WDPCP: variants seen among roughly 807,000 people sequenced by gnomAD.
WDPCP encodes WD repeat-containing and planar cell polarity effector protein fritz homolog.
A neutral mutation model predicts 93.1 loss-of-function variants in WDPCP; 71 were observed. That is an observed-to-expected ratio of 0.76 (90% confidence interval 0.63 to 0.93). The LOEUF is 0.93. Ranked by LOEUF, WDPCP falls within the 40% of genes least tolerant of loss-of-function variation. The pLI is 0.00. For synonymous variants in WDPCP, 315 were observed against 315.0 expected (o/e 1.00, Z 0.00); for missense variants, 844 against 887.4 (o/e 0.95, Z 0.62).
rs1697380583 is a variant in WDPCP, at chr2:63,439,778, T to C, written c.478A>G (p.Ile160Val). Residue 160 changes from isoleucine (I) to valine (V), a missense_variant, in exon 7 of 18, where the codon ATC becomes GTC. Ile to Val is a conservative substitution (Grantham distance 29). Transcript: ENST00000272321. ...TTACCATCACTGATGGTGTCTGAGATGAGCTTCCCCACCAGGCTTCTGTCA... is the reference window on the plus strand; with the variant it reads ...TTACCATCACTGATGGTGTCTGAGACGAGCTTCCCCACCAGGCTTCTGTCA... ...VIDRSLVGKL[I>V]SDTISDALLT... 1.9e-6 allele frequency: 3 copies of C among 1,613,018 alleles called. No individual in the cohort carries two copies. Among genetic ancestry groups the C allele is most frequent in the South Asian group, 1.1e-5 (1 of 91,070 alleles).
At chr2:63,416,332 T>C (rs1209063847) in intron 9 of WDPCP, among the ~76,000 whole-genome samples, 7 of 151,874 alleles carry the variant, frequency 4.6e-5, no homozygotes, top group Non-Finnish European at 5.9e-5. Flanking sequence ...CCCGAGTAGC[T>C]GCGATTACAG....
Position 63,120,473 on chromosome 2 carries a change from TA to T in WDPCP, c.*1532del, listed in dbSNP as rs1669487082. Among the ~76,000 whole-genome samples, 1 of 151,912 alleles carries T rather than the reference TA, an allele frequency of 6.6e-6. No homozygotes were observed. Among genetic ancestry groups the T allele is most frequent in the East Asian group, 1.9e-4 (1 of 5,178 alleles). Reference sequence around the variant, plus strand: ...AACTCTAAGATTTAATTATATAATGTAATTATTGTCTAATATTAAACAATGT... The same window carrying T: ...AACTCTAAGATTTAATTATATAATGTATTATTGTCTAATATTAAACAATGT... On this transcript the variant is annotated 3_prime_UTR_variant, in exon 18 of 18. Coordinates refer to ENST00000272321, the MANE Select transcript of WDPCP (RefSeq NM_015910.7).
chr2:63,235,576 G>A (rs1444349725), intron 14 of WDPCP, among the ~76,000 whole-genome samples: 3 of 152,066 alleles, frequency 2.0e-5, no homozygotes, highest in East Asian at 1.9e-4. Flanking sequence ...CATCCCTGAT[G>A]AACATATATG....
At chr2:63,749,151 G>A (rs993961678) in intron 2 of WDPCP, among the ~76,000 whole-genome samples, 1 of 151,996 alleles carries the variant, frequency 6.6e-6, no homozygotes, top group African/African-American at 2.4e-5. Context: ...TGACTGTTTA[G>A]AACTTTGATA....
At chr2:63,571,946 T>C (rs534439439) in intron 1 of WDPCP, among the ~76,000 whole-genome samples, 3 of 152,222 alleles carry the variant, frequency 2.0e-5, no homozygotes, top group Non-Finnish European at 4.4e-5. Flanking sequence ...CACATAATCA[T>C]GTACTTGGTT....
At chr2:63,460,672 T>G (rs77218750) in intron 6 of WDPCP, among the ~76,000 whole-genome samples, 1 of 152,114 alleles carries the variant, frequency 6.6e-6, no homozygotes, top group Non-Finnish European at 1.5e-5. Flanking sequence ...CTTTTTTTTT[T>G]GAAACGGAGT....
At chr2:63,252,677 A>G (rs1318318420) in intron 14 of WDPCP, among the ~76,000 whole-genome samples, 1 of 152,128 alleles carries the variant, frequency 6.6e-6, no homozygotes, top group Non-Finnish European at 1.5e-5. Context: ...TTACAATATC[A>G]ATACACAAAC....
At chr2:63,731,066 C>A (rs190148802) in intron 2 of WDPCP, among the ~76,000 whole-genome samples, 18 of 151,946 alleles carry the variant, frequency 1.2e-4, no homozygotes, top group Non-Finnish European at 2.1e-4. Context: ...GTCAGGAGAT[C>A]GAGACAATCC....
intron 12 of WDPCP, among the ~76,000 whole-genome samples, chr2:63,346,466 A>G (rs759111534): frequency 6.6e-6 from 1 of 152,230 alleles, no homozygotes; most frequent in East Asian, 1.9e-4. Flanking sequence ...AAAATAGACC[A>G]GCAGCCCTGG....
At chr2:63,752,418 C>T (rs535967411) in intron 2 of WDPCP, 89 of 761,956 alleles carry the variant, frequency 1.2e-4, no homozygotes, top group South Asian at 1.1e-3. Flanking sequence ...TGTGGCCTTG[C>T]ATTCGTGGCT....
chr2:63,529,984 T>C (rs1041718655), intron 1 of WDPCP, among the ~76,000 whole-genome samples: 2 of 152,210 alleles, frequency 1.3e-5, no homozygotes, highest in Non-Finnish European at 2.9e-5. Context: ...AGTTTATTTG[T>C]GTAGAGGTGT....
chr2:63,836,635 A>G, the WDPCP span, among the ~76,000 whole-genome samples: 1 of 152,304 alleles, frequency 6.6e-6, no homozygotes, highest in South Asian at 2.1e-4. Context: ...TTCCTGGGCC[A>G]TTCACTAAAG....
At chr2:63,475,635 T>C (rs1699931677) in intron 6 of WDPCP, among the ~76,000 whole-genome samples, 1 of 152,134 alleles carries the variant, frequency 6.6e-6, no homozygotes, top group Admixed American at 6.6e-5. Context: ...AATAACAACA[T>C]TGAGACTTGT....
chr2:63,719,399 T>C (rs1316013709), intron 2 of WDPCP, among the ~76,000 whole-genome samples: 1 of 152,152 alleles, frequency 6.6e-6, no homozygotes, highest in Non-Finnish European at 1.5e-5. Flanking sequence ...GATTTGATAG[T>C]ACCAAGCCCA....
chr2:63,746,269 T>C (rs942905198), intron 2 of WDPCP, among the ~76,000 whole-genome samples: 8 of 152,214 alleles, frequency 5.3e-5, no homozygotes, highest in African/African-American at 1.9e-4. Flanking sequence ...TTCCCATGCC[T>C]GTCTTTACTT....
intron 12 of WDPCP, chr2:63,368,798 T>C (rs895456466): frequency 1.3e-5 from 2 of 152,222 alleles, no homozygotes; most frequent in Non-Finnish European, 2.9e-5. Flanking sequence ...ACAAAGGAAA[T>C]ACAAATATAT....
intron 2 of WDPCP, among the ~76,000 whole-genome samples, chr2:63,754,952 G>A (rs1196841557): frequency 6.6e-6 from 1 of 152,170 alleles, no homozygotes. Flanking sequence ...TGTGGGTACA[G>A]TCATAAGAAG....
chr2:63,652,938 C>A (rs1293478472), intron 2 of WDPCP, among the ~76,000 whole-genome samples: 1 of 152,128 alleles, frequency 6.6e-6, no homozygotes, highest in Non-Finnish European at 1.5e-5. Flanking sequence ...CGGTAAAAAA[C>A]CTAGATAACG....
At chr2:63,578,710 A>T (rs1304295512) in intron 1 of WDPCP, among the ~76,000 whole-genome samples, 1 of 152,218 alleles carries the variant, frequency 6.6e-6, no homozygotes, top group East Asian at 1.9e-4. Flanking sequence ...GCAAGAAGAA[A>T]AGCAGAAAGA....
Sources: allele counts gnomAD v4.1 joint callset (sites outside exome capture counted in the v4.1 genomes callset), GRCh38; gene constraint gnomAD v4.1.1; transcripts MANE v1.5; gene names NCBI Gene and HGNC (gene_info 2026-07-23, HGNC 2026-07-21).